LRP2: variants seen among roughly 807,000 people sequenced by gnomAD.
The protein encoded by LRP2 is low-density lipoprotein receptor-related protein 2.
In LRP2, 172 loss-of-function variants were observed where a neutral mutation model predicts 531.0. The observed-to-expected ratio is 0.32, with a 90% CI of 0.29 to 0.37. The LOEUF (loss-of-function observed/expected upper bound fraction) is 0.37, where lower values mean the gene tolerates loss of function less well. LRP2 is among the 10% of genes least tolerant of loss of function. The pLI, the probability that LRP2 is intolerant of heterozygous loss-of-function variation, is 1.00. For missense variants in LRP2, 5,167 were observed against 5,868.3 expected, an observed-to-expected ratio of 0.88 and a Z score of 3.90; for synonymous variants, 1,992 against 2,027.6, an observed-to-expected ratio of 0.98 and a Z score of 0.47.
intron 67 of LRP2, among the ~76,000 whole-genome samples, chr2:169,152,189 G>T (rs1415204074): frequency 6.6e-6 from 1 of 152,148 alleles, no homozygotes; most frequent in Non-Finnish European, 1.5e-5. Flanking sequence ...CATCCAAAAT[G>T]TGTGGCTCTG....
At chr2:169,277,625 G>T in intron 13 of LRP2, 120 bp downstream of exon 13, 2 of 909,230 alleles carry the variant, frequency 2.2e-6, no homozygotes, top group Non-Finnish European at 3.5e-6. Context: ...GGTCATTAAA[G>T]CTATCATGTC....
chr2:169,128,544 G>T lies in LRP2; in HGVS notation c.*119C>A. ...ACACACAGGATACCTCCAACTATAG[G>T]CAAACAGGGAAAAATATATTTTTTT... On this transcript the variant is annotated 3_prime_UTR_variant, in exon 79 of 79. Transcript: ENST00000649046. 1 of 1,005,946 alleles carries T rather than the reference G, an allele frequency of 9.9e-7. No individual in the cohort carries two copies. The highest frequency in any genetic ancestry group is 1.5e-6 in the Non-Finnish European group (1 of 653,586). The allele number at this position is 1,005,946 out of a possible 1,614,324, so 62.3% of individuals were successfully genotyped here.
intron 63 of LRP2, among the ~76,000 whole-genome samples, chr2:169,157,796 A>G (rs992360219): frequency 6.6e-6 from 1 of 152,118 alleles, no homozygotes; most frequent in Non-Finnish European, 1.5e-5. Context: ...CTGCACAACT[A>G]TGAAGCCTGA....
rs1427902774 is a variant in LRP2, at chr2:169,157,367, C to G, written c.12019+4G>C. ...AAACAGGAATTGGAAAAAATATACT[C>G]TACCTAGACAGGAGGTTCTGTCAAA... On this transcript the variant is annotated splice_donor_region_variant and intron_variant, in intron 64 of 78. Transcript: ENST00000649046. The G allele has an allele frequency of 1.2e-6, 2 of 1,613,066 alleles. No homozygotes were observed. Among genetic ancestry groups the G allele is most frequent in the South Asian group, 1.1e-5 (1 of 91,058 alleles).
At chr2:169,354,263 T>C (rs1310713993) in intron 1 of LRP2, among the ~76,000 whole-genome samples, 1 of 152,196 alleles carries the variant, frequency 6.6e-6, no homozygotes, top group African/African-American at 2.4e-5. Flanking sequence ...AATCAGTAGA[T>C]CAGTGAGGAA....
intron 4 of LRP2, among the ~76,000 whole-genome samples, chr2:169,299,070 GGAAA>G (rs1370355245): frequency 3.5e-5 from 4 of 115,000 alleles, no homozygotes; most frequent in Non-Finnish European, 5.2e-5. Flanking sequence ...AAAGAAAGAA[GGAAA>G]GAAAGAAAGA....
At chr2:169,131,100 A>G (rs11902491) in intron 77 of LRP2, among the ~76,000 whole-genome samples, 2,419 of 152,314 alleles carry the variant, frequency 0.016, 60 homozygotes, top group African/African-American at 0.054. Flanking sequence ...TGGAGGACCA[A>G]ATATATGACA....
chr2:169,255,620 A>T (rs1054357200), intron 19 of LRP2, among the ~76,000 whole-genome samples: 2 of 152,212 alleles, frequency 1.3e-5, no homozygotes, highest in Admixed American at 6.5e-5. Flanking sequence ...TGAATAAAAA[A>T]GTTTCAAAGT....
At chr2:169,289,246 G>T in intron 8 of LRP2, 101 bp from the exon 9 acceptor site, 1 of 1,443,766 alleles carries the variant, frequency 6.9e-7, no homozygotes, top group East Asian at 2.3e-5. Flanking sequence ...CAGTAAGCAT[G>T]AAGTAGATGT....
At chr2:169,360,128 C>CAAAAAAAAAAAAAAAAAAAAAAAA (rs67818940) in intron 1 of LRP2, among the ~76,000 whole-genome samples, 2 of 105,038 alleles carry the variant, frequency 1.9e-5, no homozygotes, top group African/African-American at 8.4e-5. Flanking sequence ...CTGTCTCTCT[C>CAAAAAAAAAAAAAAAAAAAAAAAA]AAAAAAAAAA....
At chr2:169,280,715 A>G (rs1044342868) in intron 10 of LRP2, among the ~76,000 whole-genome samples, 196 bp from the exon 11 acceptor site, 1 of 152,232 alleles carries the variant, frequency 6.6e-6, no homozygotes, top group Non-Finnish European at 1.5e-5. Flanking sequence ...AGGCACAAAA[A>G]GGCTTAATGA....
At chr2:169,219,817 T>A (rs1038520589) in intron 34 of LRP2, among the ~76,000 whole-genome samples, 1 of 142,410 alleles carries the variant, frequency 7.0e-6, no homozygotes, top group Non-Finnish European at 1.5e-5. Flanking sequence ...AAAGTTGAAA[T>A]TTTTTAAAAA....
intron 16 of LRP2, among the ~76,000 whole-genome samples, chr2:169,261,457 A>T (rs532223781): frequency 6.6e-6 from 1 of 151,216 alleles, no homozygotes; most frequent in African/African-American, 2.4e-5. Context: ...GCACTACACC[A>T]CACCACCACA....
chr2:169,284,798 C>A (rs1174118632), intron 9 of LRP2, among the ~76,000 whole-genome samples: 1 of 152,012 alleles, frequency 6.6e-6, no homozygotes, highest in Non-Finnish European at 1.5e-5. Context: ...TTTGCCTCAG[C>A]AGGAAAAAAA....
chr2:169,357,621 C>G lies in LRP2; in HGVS notation c.79+4700G>C, dbSNP rs577553938. ...CTGGGATTACAGGCATGAGCCCCCA[C>G]GCCCAGCTCAGCACCTTCTACTTTC... On this transcript the variant is annotated intron_variant, in intron 1 of 78. Coordinates refer to ENST00000649046, the MANE Select transcript of LRP2 (RefSeq NM_004525.3). Among the ~76,000 whole-genome samples, 3 of 152,194 alleles carry G rather than the reference C, an allele frequency of 2.0e-5. No homozygotes were observed. The South Asian group carries it at 6.2e-4, about 32-fold the overall frequency.
chr2:169,146,993 A>C, intron 68 of LRP2, 34 bp from the exon 69 acceptor site: 802 of 1,453,862 alleles, frequency 5.5e-4, no homozygotes, highest in Non-Finnish European at 6.9e-4. Flanking sequence ...GTAGCATCTC[A>C]CCTGGTAAGA....
intron 19 of LRP2, among the ~76,000 whole-genome samples, chr2:169,248,685 C>T (rs1355533568): frequency 3.2e-5 from 4 of 124,078 alleles, no homozygotes; most frequent in Non-Finnish European, 5.2e-5. Context: ...GCGTGAGCGA[C>T]GCAGAAGACG....
chr2:169,160,054 T>C (rs1686514729), intron 63 of LRP2, among the ~76,000 whole-genome samples: 1 of 152,194 alleles, frequency 6.6e-6, no homozygotes. Flanking sequence ...AACCCAAACA[T>C]ATGGCACTCT....
chr2:169,238,309 A>G lies in LRP2; in HGVS notation c.4295-7T>C. 1 of 1,610,142 alleles carries G rather than the reference A, an allele frequency of 6.2e-7. No individual in the cohort carries two copies. Among genetic ancestry groups the G allele is most frequent in the Non-Finnish European group, 8.5e-7 (1 of 1,176,478 alleles). On this transcript the variant is annotated splice_region_variant and splice_polypyrimidine_tract_variant and intron_variant, in intron 26 of 78. Coordinates refer to ENST00000649046, the MANE Select transcript of LRP2 (RefSeq NM_004525.3). ...AACAGCAGACTCTCAGATGCTGTTC[A>G]AGAAAAAAATGCAAAAATGTCAATG...
Sources: allele counts gnomAD v4.1 joint callset (sites outside exome capture counted in the v4.1 genomes callset), GRCh38; gene constraint gnomAD v4.1.1; transcripts MANE v1.5; gene names NCBI Gene and HGNC (gene_info 2026-07-23, HGNC 2026-07-21).